PCDHGA6: variants seen among roughly 807,000 people sequenced by gnomAD.
The protein encoded by PCDHGA6 is protocadherin gamma subfamily A, 6, also known as protocadherin gamma-A6.
PCDHGA6 carries 41 observed loss-of-function variants against 60.6 expected under a neutral mutation model. That is an observed-to-expected ratio of 0.68 (90% CI 0.53 to 0.88). PCDHGA6 has a LOEUF of 0.88. PCDHGA6 is among the 40% of genes least tolerant of loss of function. The probability of loss-of-function intolerance (pLI) is 0.00; values close to 1 mark genes in which losing one functional copy is unlikely to be tolerated. For synonymous variants in PCDHGA6, 594 were observed against 524.4 expected, an observed-to-expected ratio of 1.13 and a Z score of -1.81; for missense variants, 1,312 against 1,203.0, an observed-to-expected ratio of 1.09 and a Z score of -1.34.
intron 1 of PCDHGA6, among the ~76,000 whole-genome samples, chr5:141,472,980 C>CAAA (rs60579131): frequency 5.8e-5 from 5 of 86,104 alleles, no homozygotes; most frequent in Non-Finnish European, 1.0e-4. Context: ...GAGTGAAACT[C>CAAA]AAAAAAAAAA....
chr5:141,406,662 AT>A (rs2094837131), intron 1 of PCDHGA6, among the ~76,000 whole-genome samples: 1 of 152,208 alleles, frequency 6.6e-6, no homozygotes, highest in African/African-American at 2.4e-5. Flanking sequence ...TTAATGTTAA[AT>A]TATGGAGAAT....
Position 141,486,998 on chromosome 5 carries a change from C to G in PCDHGA6, c.2425-7809C>G, listed in dbSNP as rs754609128. On this transcript the variant is annotated intron_variant, in intron 1 of 3. Coordinates refer to ENST00000517434, the MANE Select transcript of PCDHGA6 (RefSeq NM_018919.3). The surrounding 1 kb of genome is among the most constrained non-coding windows in gnomAD (Gnocchi z 5.0). ...AGGTTACAATGCTTGGGTTTCCTAT[C>G]AGCTCCTGGAGGCCCCAGATCCCAG... The G allele has an allele frequency of 6.2e-7, 1 of 1,614,206 alleles. No homozygotes were observed. Among genetic ancestry groups the G allele is most frequent in the Non-Finnish European group, 8.5e-7 (1 of 1,180,034 alleles).
At chr5:141,421,774 C>G (rs767599830) in intron 1 of PCDHGA6, 27 of 1,613,772 alleles carry the variant, frequency 1.7e-5, no homozygotes, top group Middle Eastern at 1.6e-4. Context: ...TTCCTTGCAA[C>G]TGCGGGGCAG....
In PCDHGA6 at chr5:141,432,184, C is replaced by G; in HGVS notation, c.2424+55677C>G. 1 of 1,614,164 alleles carries G rather than the reference C, an allele frequency of 6.2e-7. No individual in the cohort carries two copies. The highest frequency in any genetic ancestry group is 2.2e-5 in the East Asian group (1 of 44,872). On this transcript the variant is annotated intron_variant, in intron 1 of 3. Coordinates refer to ENST00000517434, the MANE Select transcript of PCDHGA6 (RefSeq NM_018919.3). This position sits in a 1 kb window ranked among gnomAD's most constrained non-coding sequence, Gnocchi z 6.0. Reference sequence around the variant, plus strand: ...GAGGAGTTTCCCTCGTCTCTGTGACCGCCCACGACCCCGACTGTGAAGAGA... The same window carrying G: ...GAGGAGTTTCCCTCGTCTCTGTGACGGCCCACGACCCCGACTGTGAAGAGA...
In PCDHGA6 at chr5:141,490,601, T is replaced by C. The variant is rs777393370; in HGVS notation, c.2425-4206T>C. 1 of 1,614,176 alleles carries C rather than the reference T, an allele frequency of 6.2e-7. No homozygotes were observed. The highest frequency in any genetic ancestry group is 8.5e-7 in the Non-Finnish European group (1 of 1,180,030). ...GATGTCAATGACAATGCACCCCGCTTCAACCAGCAGCTTTACACTGCTTAC... is the reference window on the plus strand; with the variant it reads ...GATGTCAATGACAATGCACCCCGCTCCAACCAGCAGCTTTACACTGCTTAC... On this transcript the variant is annotated intron_variant, in intron 1 of 3. Transcript: ENST00000517434. This position sits in a 1 kb window ranked among gnomAD's most constrained non-coding sequence, Gnocchi z 5.4.
At position 141,408,331 on chromosome 5, in the gene PCDHGA6, G is replaced by C. The variant is rs779178317; in HGVS notation, c.2424+31824G>C. On this transcript the variant is annotated intron_variant, in intron 1 of 3. Transcript: ENST00000517434. Reference sequence around the variant, plus strand: ...ACTCGATTCCGGAGGAGCTGGCCAAGGGCTCGGTGGTGGGGAACCTCGCTA... The same window carrying C: ...ACTCGATTCCGGAGGAGCTGGCCAACGGCTCGGTGGTGGGGAACCTCGCTA... 3.1e-6 allele frequency: 5 copies of C among 1,613,932 alleles called. No individual in the cohort carries two copies. In the South Asian group the frequency reaches 5.5e-5, roughly 18 times the overall value.
rs757410882 is a variant in PCDHGA6 at position 141,421,504 on chromosome 5, C to T, written c.2424+44997C>T. 8 of 1,614,062 alleles carry T rather than the reference C, an allele frequency of 5.0e-6. No homozygotes were observed. The highest frequency in any genetic ancestry group is 3.3e-5 in the South Asian group (3 of 91,088). ...CTTGATCACGGCAGGCAGGATAGACCGGGAGGAGCTCTGTGAGACGGTGTC... is the reference window on the plus strand; with the variant it reads ...CTTGATCACGGCAGGCAGGATAGACTGGGAGGAGCTCTGTGAGACGGTGTC... On this transcript the variant is annotated intron_variant, in intron 1 of 3. Transcript: ENST00000517434.
Position 141,494,692 on chromosome 5 carries a change from C to T in PCDHGA6, c.2425-115C>T. On this transcript the variant is annotated intron_variant, in intron 1 of 3. Coordinates refer to ENST00000517434, the MANE Select transcript of PCDHGA6 (RefSeq NM_018919.3). ...AGTCCACCCCTGCCCCCTCTTAGTC[C>T]GTTTTCTTCTCTGTGCCCACTCCCC... 2.5e-6 allele frequency: 4 copies of T among 1,581,934 alleles called. No individual in the cohort carries two copies. In the African/African-American group the frequency reaches 4.0e-5, roughly 16 times the overall value.
Position 141,374,729 on chromosome 5 carries a change from G to A in PCDHGA6, c.646G>A (p.Asp216Asn). 1.2e-6 allele frequency: 2 copies of A among 1,610,396 alleles called. No homozygotes were observed. Among genetic ancestry groups the A allele is most frequent in the African/African-American group, 2.7e-5 (2 of 74,990 alleles). Residue 216 changes from aspartate (D) to asparagine (N), a missense_variant, in exon 1 of 4, where the codon GAT (aspartate) becomes AAT (asparagine). By Grantham distance (23) the Asp-to-Asn change is conservative (BLOSUM62 1). Transcript: ENST00000517434. ...TTACCGCCTGGTCCTTACTGCCATG[G>A]ATGGCGGCGACCCTGTCCGCTCAAG... is the stretch of plus-strand genomic sequence containing the variant. The part of the protein sequence containing the change: ...AVYRLVLTAM[D>N]GGDPVRSSVA...
At position 141,375,719 on chromosome 5, in the gene PCDHGA6, G is replaced by A. The variant is rs1478749716; in HGVS notation, c.1636G>A (p.Val546Met). ...CGGGGACCCGCCTCTTAGCAGCAAC[G>A]TGTCACTGAGCCTGTTTGTGCTGGA... ...DSGDPPLSSNVSLSLFVLDQN... is the reference protein window; with the variant it reads ...DSGDPPLSSNMSLSLFVLDQN... The change falls in exon 1 of 4, where the codon GTG becomes ATG. Residue 546 changes from valine to methionine, a missense_variant. Coordinates refer to ENST00000517434, the MANE Select transcript of PCDHGA6 (RefSeq NM_018919.3). 2 of 1,614,142 alleles carry A rather than the reference G, an allele frequency of 1.2e-6. No individual in the cohort carries two copies. The highest frequency in any genetic ancestry group is 2.2e-5 in the South Asian group (2 of 91,096).
chr5:141,407,169 G>A (rs946090447), intron 1 of PCDHGA6, among the ~76,000 whole-genome samples: 3 of 152,146 alleles, frequency 2.0e-5, no homozygotes, highest in Non-Finnish European at 4.4e-5. Flanking sequence ...AATCCTTTAT[G>A]ACATACAGAC....
rs962136728 is a variant in PCDHGA6 at position 141,491,524 on chromosome 5, G to A, written c.2425-3283G>A. 1 of 1,613,960 alleles carries A rather than the reference G, an allele frequency of 6.2e-7. No homozygotes were observed. The highest frequency in any genetic ancestry group is 1.3e-5 in the African/African-American group (1 of 74,936). On this transcript the variant is annotated intron_variant, in intron 1 of 3. Coordinates refer to ENST00000517434, the MANE Select transcript of PCDHGA6 (RefSeq NM_018919.3). The surrounding 1 kb of genome is among the most constrained non-coding windows in gnomAD (Gnocchi z 6.9). ...GGACGGCACGCTCAAGTACATGGAG[G>A]TGACGCTGCGGCCCACAGACTCGCA...
At chr5:141,451,526 G>T (rs896029145) in intron 1 of PCDHGA6, among the ~76,000 whole-genome samples, 1 of 152,168 alleles carries the variant, frequency 6.6e-6, no homozygotes, top group African/African-American at 2.4e-5. Flanking sequence ...GCAAGTAAAG[G>T]AGAGTGCCAG....
At chr5:141,380,678 T>C (rs1387633000) in intron 1 of PCDHGA6, among the ~76,000 whole-genome samples, 3 of 152,250 alleles carry the variant, frequency 2.0e-5, no homozygotes, top group Non-Finnish European at 4.4e-5. Flanking sequence ...AGGGTATGTA[T>C]GCTTTGTGTT....
intron 1 of PCDHGA6, among the ~76,000 whole-genome samples, chr5:141,425,058 G>A (rs938128250): frequency 1.3e-5 from 2 of 151,986 alleles, no homozygotes; most frequent in African/African-American, 2.4e-5. Context: ...TCTAGGGCTC[G>A]GACAAAAATA....
In PCDHGA6 at chr5:141,476,802, C is replaced by T; in HGVS notation, c.2425-18005C>T. 2 of 1,613,638 alleles carry T rather than the reference C, an allele frequency of 1.2e-6. No homozygotes were observed. The highest frequency in any genetic ancestry group is 1.7e-6 in the Non-Finnish European group (2 of 1,180,020). On this transcript the variant is annotated intron_variant, in intron 1 of 3. Coordinates refer to ENST00000517434, the MANE Select transcript of PCDHGA6 (RefSeq NM_018919.3). The surrounding 1 kb of genome is among the most constrained non-coding windows in gnomAD (Gnocchi z 7.6). ...ACCCCAGCTCTCTCCGCCAGCCTGC[C>T]TATTCACATCAAGGTGCTGGACGCG... is the stretch of plus-strand genomic sequence containing the variant.
At chr5:141,462,833 A>G (rs1488609568) in intron 1 of PCDHGA6, among the ~76,000 whole-genome samples, 1 of 152,082 alleles carries the variant, frequency 6.6e-6, no homozygotes, top group Non-Finnish European at 1.5e-5. Flanking sequence ...GACATTGTAA[A>G]TGTTATATTT....
chr5:141,422,166 T>G (rs370704205), intron 1 of PCDHGA6: 30 of 1,569,256 alleles, frequency 1.9e-5, no homozygotes, highest in Non-Finnish European at 2.5e-5. Flanking sequence ...TTGAAAAATA[T>G]AGATTCTATG....
intron 1 of PCDHGA6, among the ~76,000 whole-genome samples, chr5:141,464,983 C>G (rs1294132264): frequency 6.6e-6 from 1 of 152,050 alleles, no homozygotes; most frequent in African/African-American, 2.4e-5. Flanking sequence ...TTCAAGTGAT[C>G]CTCCCACCTC....
Sources: allele counts gnomAD v4.1 joint callset (sites outside exome capture counted in the v4.1 genomes callset), GRCh38; gene constraint gnomAD v4.1.1; non-coding constraint Gnocchi (gnomAD v3.1); transcripts MANE v1.5; gene names NCBI Gene and HGNC (gene_info 2026-07-23, HGNC 2026-07-21).